Variants in LHFPL3 observed in about 807,000 individuals in gnomAD.
LHFPL3 encodes LHFPL tetraspan subfamily member 3 protein.
Under a neutral mutation model 19.3 loss-of-function variants are expected in LHFPL3, and 5 were observed. The ratio of observed to expected loss-of-function variants is 0.26; its 90% CI spans 0.14 to 0.54. LHFPL3 has a LOEUF of 0.54. Ranked by LOEUF, LHFPL3 falls within the 20% of genes least tolerant of loss-of-function variation. The pLI is 0.94. For synonymous variants in LHFPL3, 133 were observed against 126.2 expected, an observed-to-expected ratio of 1.05 and a Z score of -0.36; for missense variants, 249 against 307.4, an observed-to-expected ratio of 0.81 and a Z score of 1.42.
chr7:104,742,195 A>G (rs1284809005), intron 2 of LHFPL3, among the ~76,000 whole-genome samples: 1 of 152,190 alleles, frequency 6.6e-6, no homozygotes, highest in African/African-American at 2.4e-5. Flanking sequence ...CAGAGCTCCT[A>G]TGCCACAAAT....
chr7:104,653,409 A>G (rs1044888130), intron 1 of LHFPL3, among the ~76,000 whole-genome samples: 9 of 152,368 alleles, frequency 5.9e-5, no homozygotes, highest in African/African-American at 2.2e-4. Flanking sequence ...AGAGTGGAAC[A>G]GCGAGGCAGA....
chr7:104,548,568 CA>C (rs1378956396), intron 1 of LHFPL3, among the ~76,000 whole-genome samples: 1 of 152,012 alleles, frequency 6.6e-6, no homozygotes, highest in African/African-American at 2.4e-5. Flanking sequence ...ATTATATAAA[CA>C]AATACGAAAT....
chr7:104,713,564 C>T (rs1208417097), intron 1 of LHFPL3, among the ~76,000 whole-genome samples: 1 of 152,048 alleles, frequency 6.6e-6, no homozygotes, highest in African/African-American at 2.4e-5. Flanking sequence ...GAGAAATCAG[C>T]CACCATAATC....
At chr7:104,659,370 C>T (rs1410028550) in intron 1 of LHFPL3, among the ~76,000 whole-genome samples, 1 of 152,180 alleles carries the variant, frequency 6.6e-6, no homozygotes, top group Admixed American at 6.5e-5. Context: ...AAGTATGGCA[C>T]CCAGGTTGCA....
chr7:104,374,129 C>T (rs1331782437), intron 1 of LHFPL3, among the ~76,000 whole-genome samples: 3 of 152,032 alleles, frequency 2.0e-5, no homozygotes, highest in Non-Finnish European at 4.4e-5. Flanking sequence ...TTAGTCCTCA[C>T]TACCAAGCTG....
intron 1 of LHFPL3, among the ~76,000 whole-genome samples, chr7:104,398,209 A>T (rs1791233286): frequency 6.6e-6 from 1 of 152,196 alleles, no homozygotes; most frequent in Admixed American, 6.5e-5. Flanking sequence ...AACATCTTGT[A>T]ACAAGTTCAT....
At chr7:104,774,982 C>G (rs866024164) in intron 2 of LHFPL3, among the ~76,000 whole-genome samples, 10 of 152,324 alleles carry the variant, frequency 6.6e-5, no homozygotes, top group South Asian at 4.1e-4. Flanking sequence ...AAATCGCTGG[C>G]TTTTGTGGAG....
chr7:104,598,667 G>A (rs1259626954), intron 1 of LHFPL3, among the ~76,000 whole-genome samples: 3 of 152,322 alleles, frequency 2.0e-5, no homozygotes, highest in East Asian at 1.9e-4. Context: ...ACCAGAGAAA[G>A]CTTCATCATA....
chr7:104,866,426 C>T (rs563584249), intron 2 of LHFPL3, among the ~76,000 whole-genome samples: 141 of 152,232 alleles, frequency 9.3e-4, no homozygotes, highest in African/African-American at 3.3e-3. Flanking sequence ...GGTTGCAATC[C>T]TAATCTCTGA....
intron 1 of LHFPL3, among the ~76,000 whole-genome samples, chr7:104,476,052 T>A (rs1056359020): frequency 6.6e-6 from 1 of 152,030 alleles, no homozygotes; most frequent in African/African-American, 2.4e-5. Context: ...GAAACTGGAG[T>A]AGTAATATTT....
chr7:104,576,640 T>TTTG (rs1790344260), intron 1 of LHFPL3, among the ~76,000 whole-genome samples: 1 of 151,968 alleles, frequency 6.6e-6, no homozygotes, highest in African/African-American at 2.4e-5. Context: ...AGTTGGGTTT[T>TTTG]TTTGTTTGTT....
intron 1 of LHFPL3, among the ~76,000 whole-genome samples, chr7:104,473,207 G>A (rs1337401715): frequency 2.0e-5 from 3 of 152,112 alleles, no homozygotes; most frequent in East Asian, 1.9e-4. Context: ...GAATAAATGC[G>A]TCTTTCAAAC....
intron 1 of LHFPL3, among the ~76,000 whole-genome samples, chr7:104,508,052 G>T (rs1445721505): frequency 6.7e-6 from 1 of 148,886 alleles, no homozygotes; most frequent in East Asian, 2.0e-4. Flanking sequence ...TCAGTGTGGT[G>T]ATTCCTCAGG....
chr7:104,894,994 G>A (rs1792325779), intron 2 of LHFPL3: 1 of 152,114 alleles, frequency 6.6e-6, no homozygotes, highest in South Asian at 2.1e-4. Flanking sequence ...TTTCAGGTGG[G>A]ACCCTGGAAC....
intron 1 of LHFPL3, among the ~76,000 whole-genome samples, chr7:104,702,354 G>C (rs1793120743): frequency 6.6e-6 from 1 of 152,074 alleles, no homozygotes; most frequent in Admixed American, 6.6e-5. Flanking sequence ...CTTCAGTGTT[G>C]TTTTTTCTAT....
At chr7:104,875,594 G>T (rs28546781) in intron 2 of LHFPL3, among the ~76,000 whole-genome samples, 10,553 of 152,192 alleles carry the variant, frequency 0.069, 877 homozygotes, top group East Asian at 0.44. Context: ...TCTTAGAAAT[G>T]TTCAATGGCA....
In LHFPL3 at chr7:104,670,861, G is replaced by GTTTTTTT. The variant is rs765180265; in HGVS notation, c.446-65810_446-65809insTTTTTTT. ...TGAGGTGGCCAGACCAATGTGTTTT[G>GTTTTTTT]TTTTGTTTTTTTTTTTTTAAGCTTC... is the stretch of plus-strand genomic sequence containing the variant. On this transcript the variant is annotated intron_variant, in intron 1 of 2. Transcript: ENST00000424859. Among the ~76,000 whole-genome samples the GTTTTTTT allele has an allele frequency of 4.1e-5, 6 of 146,446 alleles. 1 individual carries two copies. The highest frequency in any genetic ancestry group is 3.0e-5 in the Non-Finnish European group (2 of 65,786).
intron 1 of LHFPL3, among the ~76,000 whole-genome samples, chr7:104,561,305 G>A (rs1284571678): frequency 6.7e-6 from 1 of 149,372 alleles, no homozygotes; most frequent in African/African-American, 2.6e-5. Flanking sequence ...CATTATTAAT[G>A]TGTGGGAGTC....
At chr7:104,825,892 C>T (rs539901053) in intron 2 of LHFPL3, among the ~76,000 whole-genome samples, 1 of 151,862 alleles carries the variant, frequency 6.6e-6, no homozygotes, top group South Asian at 2.1e-4. Context: ...TTTAGATGCC[C>T]CACCCGACCA....
Sources: gnomAD v4.1 joint callset for allele counts (sites outside exome capture counted in the v4.1 genomes callset) on GRCh38, gnomAD v4.1.1 for gene constraint, MANE v1.5 for transcripts, NCBI Gene and HGNC (gene_info 2026-07-23, HGNC 2026-07-21) for gene names.